Variants in CFAP70 observed in about 807,000 individuals in gnomAD.
The protein encoded by CFAP70 is cilia- and flagella-associated protein 70.
A neutral mutation model predicts 137.6 loss-of-function variants in CFAP70; 81 were observed. That is an observed-to-expected ratio of 0.59 (90% CI 0.49 to 0.71). The LOEUF is 0.71. Among genes scored for constraint, CFAP70 ranks in the 30% least tolerant of loss-of-function variants. The pLI, the probability that CFAP70 is intolerant of heterozygous loss-of-function variation, is 0.00. For missense variants in CFAP70, 976 were observed against 1,226.7 expected, an observed-to-expected ratio of 0.80 and a Z score of 3.05; for synonymous variants, 382 against 423.6, an observed-to-expected ratio of 0.90 and a Z score of 1.20.
chr10:73,272,099 C>T (rs2046360036), intron 24 of CFAP70, among the ~76,000 whole-genome samples: 1 of 152,142 alleles, frequency 6.6e-6, no homozygotes, highest in Non-Finnish European at 1.5e-5. Flanking sequence ...GTAATCCCTG[C>T]ACTTTGGGGT....
intron 25 of CFAP70, 92 bp downstream of exon 26, chr10:73,269,522 C>T: frequency 1.3e-6 from 1 of 797,902 alleles, no homozygotes; most frequent in Non-Finnish European, 2.1e-6. Context: ...TTTCAGCTAC[C>T]ATGCATTAAT....
At chr10:73,295,389 A>AAGGG (rs1215950849) in intron 15 of CFAP70, 14 of 128,708 alleles carry the variant, frequency 1.1e-4, no homozygotes, top group African/African-American at 3.4e-4. Flanking sequence ...GGAAGGGAGG[A>AAGGG]AGGGAGGGAG....
intron 15 of CFAP70, chr10:73,296,167 C>T (rs2048532425): frequency 6.6e-6 from 1 of 152,166 alleles, no homozygotes; most frequent in South Asian, 2.1e-4. Flanking sequence ...CAAATGTAAA[C>T]CTGATCATAT....
In CFAP70 at chr10:73,296,984, A is replaced by G. The variant is rs563309689; in HGVS notation, c.1644+58T>C. On this transcript the variant is annotated intron_variant, in intron 15 of 26. Transcript: ENST00000310715. ...GAATAAACAAAGGAAGGAATTATTC[A>G]TAGAAGACTCTGATGCTCTACAGAG... 6 of 1,569,954 alleles carry G rather than the reference A, an allele frequency of 3.8e-6. No homozygotes were observed. In the South Asian group the frequency reaches 5.9e-5, roughly 15 times the overall value.
chr10:73,254,072 G>A lies in CFAP70; in HGVS notation c.3076-17C>T. 6.3e-7 allele frequency: 1 copy of A among 1,583,956 alleles called. No individual in the cohort carries two copies. The highest frequency in any genetic ancestry group is 2.3e-5 in the East Asian group (1 of 44,402). ...CAATTTCAGCTACATGAAAGAGGAA[G>A]AAAGGGAAAGATATATGTCATACGT... is the stretch of plus-strand genomic sequence containing the variant. On this transcript the variant is annotated splice_polypyrimidine_tract_variant and intron_variant, in intron 26 of 26. Coordinates refer to ENST00000310715, the Ensembl canonical transcript of CFAP70.
At chr10:73,329,866 G>C (rs751769712) in intron 8 of CFAP70, among the ~76,000 whole-genome samples, 1 of 152,110 alleles carries the variant, frequency 6.6e-6, no homozygotes, top group Non-Finnish European at 1.5e-5. Context: ...TGGTTCAAAA[G>C]GAAAGAGTGC....
exon 6 of CFAP70, chr10:73,341,570 G>A (rs367894517): frequency 4.5e-4 from 720 of 1,613,376 alleles, no homozygotes; most frequent in Non-Finnish European, 5.7e-4. Flanking sequence ...TAAATAAAAT[G>A]GGATAGTCCT....
chr10:73,267,949 C>T (rs767793270), intron 25 of CFAP70, among the ~76,000 whole-genome samples: 3 of 152,154 alleles, frequency 2.0e-5, no homozygotes, highest in Non-Finnish European at 4.4e-5. Flanking sequence ...CATATTCAAG[C>T]CAGAGATGCT....
chr10:73,350,955 GTA>G, intron 3 of CFAP70, among the ~76,000 whole-genome samples: 1 of 149,872 alleles, frequency 6.7e-6, no homozygotes, highest in East Asian at 2.0e-4. Flanking sequence ...GTGTGTGTGT[GTA>G]TGTGTGTGTA....
chr10:73,308,177 G>A (rs1564818021), intron 12 of CFAP70, among the ~76,000 whole-genome samples: 1 of 151,290 alleles, frequency 6.6e-6, no homozygotes, highest in Non-Finnish European at 1.5e-5. Context: ...AGAAAGAAAG[G>A]ATTTGAACAA....
intron 19 of CFAP70, among the ~76,000 whole-genome samples, chr10:73,285,079 T>C (rs4291591): frequency 0.11 from 16,037 of 151,826 alleles, 1,222 homozygotes; most frequent in East Asian, 0.31. Flanking sequence ...AAATTAGATA[T>C]ATAAGAAACT....
chr10:73,278,423 T>C, intron 19 of CFAP70, 86 bp from the exon 21 acceptor site: 3 of 1,055,458 alleles, frequency 2.8e-6, no homozygotes, highest in Non-Finnish European at 4.1e-6. Flanking sequence ...TTGCAAAGCA[T>C]AAGAAACATA....
rs569652195 is a variant in CFAP70, at chr10:73,309,799, G to A, written c.1256+359C>T. Reference sequence around the variant, plus strand: ...AGCCTCCCGAGTAGCTGAGGTTACAGGTGCATGCCGCCATGCCCGGCTAAT... The same window carrying A: ...AGCCTCCCGAGTAGCTGAGGTTACAAGTGCATGCCGCCATGCCCGGCTAAT... On this transcript the variant is annotated intron_variant, in intron 12 of 26. Coordinates refer to ENST00000310715, the Ensembl canonical transcript of CFAP70. Among the ~76,000 whole-genome samples, 24 of 151,994 alleles carry A rather than the reference G, an allele frequency of 1.6e-4. No individual in the cohort carries two copies. The South Asian group carries it at 5.0e-3, about 32-fold the overall frequency.
chr10:73,355,419 T>A (rs2054593722), intron 1 of CFAP70, among the ~76,000 whole-genome samples: 1 of 152,206 alleles, frequency 6.6e-6, no homozygotes, highest in East Asian at 1.9e-4. Flanking sequence ...CAGATAGGAC[T>A]GTCTAGCTGC....
chr10:73,327,362 C>A (rs2051563451), intron 8 of CFAP70, among the ~76,000 whole-genome samples: 1 of 148,686 alleles, frequency 6.7e-6, no homozygotes, highest in Non-Finnish European at 1.5e-5. Context: ...CTATCTATGA[C>A]AAACCCACAG....
chr10:73,267,168 C>A (rs899718462), intron 25 of CFAP70, among the ~76,000 whole-genome samples: 4 of 152,120 alleles, frequency 2.6e-5, no homozygotes, highest in African/African-American at 9.7e-5. Context: ...TCTCAAAATT[C>A]TACAGGTAAT....
At chr10:73,331,642 A>G (rs2052102521) in intron 7 of CFAP70, among the ~76,000 whole-genome samples, 1 of 152,064 alleles carries the variant, frequency 6.6e-6, no homozygotes, top group African/African-American at 2.4e-5. Flanking sequence ...TGATGGTGCT[A>G]TTGCACTCTC....
chr10:73,255,986 A>G (rs1260259929), intron 26 of CFAP70, among the ~76,000 whole-genome samples: 3 of 152,108 alleles, frequency 2.0e-5, no homozygotes, highest in South Asian at 2.1e-4. Flanking sequence ...AAAATTTCCT[A>G]TTTTGCCCTT....
chr10:73,313,814 C>G (rs1217444529), intron 9 of CFAP70, among the ~76,000 whole-genome samples: 2 of 151,924 alleles, frequency 1.3e-5, no homozygotes, highest in Non-Finnish European at 2.9e-5. Context: ...TGCACAGCAG[C>G]CTGGGCAATA....
Sources: gnomAD v4.1 joint callset for allele counts (sites outside exome capture counted in the v4.1 genomes callset) on GRCh38, gnomAD v4.1.1 for gene constraint, MANE v1.5 for transcripts, NCBI Gene and HGNC (gene_info 2026-07-23, HGNC 2026-07-21) for gene names.